DOCK4: variants seen among roughly 807,000 people sequenced by gnomAD.
The protein encoded by DOCK4 is dedicator of cytokinesis protein 4.
Under a neutral mutation model 268.1 loss-of-function variants are expected in DOCK4, and 97 were observed. The ratio of observed to expected loss-of-function variants is 0.36; its 90% confidence interval spans 0.31 to 0.43. DOCK4 has a LOEUF of 0.43. Among genes scored for constraint, DOCK4 ranks in the 20% least tolerant of loss-of-function variants. The pLI is 1.00. For missense variants in DOCK4, 2,145 were observed against 2,455.7 expected (o/e 0.87, Z 2.67); for synonymous variants, 954 against 887.2 (o/e 1.08, Z -1.34).
rs1004945355 is a variant in DOCK4, at chr7:112,072,654, GT to G, written c.38-68524del. 5.3e-5 allele frequency among the ~76,000 whole-genome samples: 8 copies of G among 152,296 alleles called. 1 individual carries two copies. In the South Asian group the frequency reaches 1.0e-3, roughly 20 times the overall value. The stretch of plus-strand genomic sequence containing the variant: ...AATGTCAGGCAACCATCAGGTGATG[GT>G]CAGGAGGTTGTTAAACTGTCTCCCT... On this transcript the variant is annotated intron_variant, in intron 1 of 52. Transcript: ENST00000428084.
At position 111,983,860 on chromosome 7, in the gene DOCK4, G is replaced by GCACACACA. The variant is rs375791144; in HGVS notation, c.549+445_549+446insTGTGTGTG. ...TACACACACACGCGCGCGCGCGCGCGCGCACACACACACACACACACACAC... is the reference window on the plus strand; with the variant it reads ...TACACACACACGCGCGCGCGCGCGCGCACACACACGCACACACACACACACACACACAC... On this transcript the variant is annotated intron_variant, in intron 7 of 52. Transcript: ENST00000428084. 4.2e-3 allele frequency among the ~76,000 whole-genome samples: 547 copies of GCACACACA among 128,906 alleles called. 5 individuals are homozygous for GCACACACA. Among genetic ancestry groups the GCACACACA allele is most frequent in the South Asian group, 6.9e-3 (28 of 4,086 alleles). 84.6% of individuals were successfully genotyped at this position (128,906 alleles called of 152,430 possible). A position where few individuals can be genotyped will look rare whatever the true frequency, so the allele number is the denominator to read the frequency against.
At chr7:111,846,970 G>A (rs10275038) in intron 24 of DOCK4, 29 bp downstream of exon 24, 379,131 of 1,608,382 alleles carry the variant, frequency 0.24, 58,457 homozygotes, top group African/African-American at 0.81. Flanking sequence ...TTTGAAGGGA[G>A]CTATATACTA....
At chr7:111,845,346 A>C (rs752997633) in intron 24 of DOCK4, among the ~76,000 whole-genome samples, 2 of 152,234 alleles carry the variant, frequency 1.3e-5, no homozygotes, top group Non-Finnish European at 2.9e-5. Context: ...ACAAATGACT[A>C]TTCCTATAAA....
chr7:112,109,655 A>G (rs932671595), intron 1 of DOCK4, among the ~76,000 whole-genome samples: 4 of 152,080 alleles, frequency 2.6e-5, no homozygotes, highest in Admixed American at 2.6e-4. Flanking sequence ...AAGAGAAGGT[A>G]GTTATTGGAC....
chr7:111,729,960 C>G (rs116293244), intron 52 of DOCK4, among the ~76,000 whole-genome samples: 3,106 of 152,322 alleles, frequency 0.02, 108 homozygotes, highest in African/African-American at 0.069. Context: ...CTCCAGAATT[C>G]TGGCAGTTCA....
intron 23 of DOCK4, among the ~76,000 whole-genome samples, chr7:111,860,640 G>A (rs1805432040): frequency 6.6e-6 from 1 of 152,046 alleles, no homozygotes; most frequent in Non-Finnish European, 1.5e-5. Context: ...ACAATTACCA[G>A]CTTCCCTACG....
intron 32 of DOCK4, among the ~76,000 whole-genome samples, chr7:111,784,872 A>G (rs1383474558): frequency 6.6e-6 from 1 of 152,196 alleles, no homozygotes; most frequent in African/African-American, 2.4e-5. Flanking sequence ...TCTGTCTAAA[A>G]TCTTATTTGT....
intron 1 of DOCK4, among the ~76,000 whole-genome samples, chr7:112,108,234 A>G (rs1042297617): frequency 2.6e-5 from 4 of 152,196 alleles, no homozygotes; most frequent in Non-Finnish European, 4.4e-5. Flanking sequence ...AAAAATAAAT[A>G]CCACTCTCTA....
intron 30 of DOCK4, among the ~76,000 whole-genome samples, chr7:111,804,545 T>C (rs1366377111): frequency 6.6e-6 from 1 of 152,158 alleles, no homozygotes; most frequent in Non-Finnish European, 1.5e-5. Flanking sequence ...TGAATATACT[T>C]AATATCACTG....
chr7:112,052,882 A>G (rs1805485582), intron 1 of DOCK4, among the ~76,000 whole-genome samples: 1 of 152,184 alleles, frequency 6.6e-6, no homozygotes, highest in Admixed American at 6.5e-5. Context: ...AATAATATAT[A>G]TCAAATATAA....
chr7:111,886,826 A>G (rs894017857), intron 16 of DOCK4, among the ~76,000 whole-genome samples: 1 of 152,234 alleles, frequency 6.6e-6, no homozygotes, highest in Non-Finnish European at 1.5e-5. Flanking sequence ...TTTGATAAAT[A>G]TACTATAGCT....
At chr7:111,871,031 A>T (rs1296147969) in intron 20 of DOCK4, among the ~76,000 whole-genome samples, 2 of 152,216 alleles carry the variant, frequency 1.3e-5, no homozygotes, top group East Asian at 3.9e-4. Context: ...TCGATGTTGG[A>T]GACGTCGATC....
chr7:112,027,444 T>C (rs7804866), intron 1 of DOCK4, among the ~76,000 whole-genome samples: 9,892 of 152,178 alleles, frequency 0.065, 1,061 homozygotes, highest in African/African-American at 0.22. Flanking sequence ...AGGCTGGTCT[T>C]GAACTCCTGA....
intron 12 of DOCK4, among the ~76,000 whole-genome samples, chr7:111,916,980 GTTTTTTTTTTTT>G (rs749349556): frequency 1.2e-4 from 10 of 83,976 alleles, no homozygotes; most frequent in Admixed American, 2.6e-4. Flanking sequence ...TTTCCCCCAT[GTTTTTTTTTTTT>G]TTTTTTTTTT....
chr7:111,997,410 T>C lies in DOCK4; in HGVS notation c.218+1038A>G, dbSNP rs1490282351. ...TAAAGCAGCTCACATATATAAGACA[T>C]GTAGAGTAATGGTCTCTGAGATTCT... On this transcript the variant is annotated intron_variant, in intron 4 of 52. Coordinates refer to ENST00000428084, the MANE Select transcript of DOCK4 (RefSeq NM_001363540.2). Among the ~76,000 whole-genome samples, 7 of 152,206 alleles carry C rather than the reference T, an allele frequency of 4.6e-5. No homozygotes were observed. In the East Asian group the frequency reaches 1.3e-3, roughly 29 times the overall value.
intron 26 of DOCK4, among the ~76,000 whole-genome samples, chr7:111,828,187 T>G (rs1416638968): frequency 1.3e-5 from 2 of 152,166 alleles, no homozygotes; most frequent in Non-Finnish European, 2.9e-5. Context: ...TTTAAAATAA[T>G]ATTATGTTCT....
intron 23 of DOCK4, among the ~76,000 whole-genome samples, chr7:111,850,683 TCTC>T (rs1049581728): frequency 1.3e-5 from 2 of 152,022 alleles, no homozygotes; most frequent in African/African-American, 4.8e-5. Flanking sequence ...TGACATTCCT[TCTC>T]CTGGACAATG....
At chr7:111,914,619 G>A (rs1202758173) in intron 13 of DOCK4, among the ~76,000 whole-genome samples, 3 of 152,086 alleles carry the variant, frequency 2.0e-5, no homozygotes, top group African/African-American at 4.8e-5. Flanking sequence ...TTATCTGCAC[G>A]GCTTCCTCAT....
At chr7:112,161,586 G>C (rs1817132951) in intron 1 of DOCK4, among the ~76,000 whole-genome samples, 1 of 152,150 alleles carries the variant, frequency 6.6e-6, no homozygotes, top group South Asian at 2.1e-4. Context: ...CCAATGTCAA[G>C]CAGCAAATTT....
Sources: allele counts gnomAD v4.1 joint callset (sites outside exome capture counted in the v4.1 genomes callset), GRCh38; gene constraint gnomAD v4.1.1; transcripts MANE v1.5; gene names NCBI Gene and HGNC (gene_info 2026-07-23, HGNC 2026-07-21).